The following STX2 variants were observed in gnomAD, a reference collection of about 807,000 sequenced individuals.
STX2 encodes the protein syntaxin-2.
Under a neutral mutation model 40.6 loss-of-function variants are expected in STX2, and 27 were observed. That is an observed-to-expected ratio of 0.66 (90% CI 0.49 to 0.92). STX2 has a LOEUF of 0.92. STX2 is among the 40% of genes least tolerant of loss of function. The pLI, the probability that STX2 is intolerant of heterozygous loss-of-function variation, is 0.00. For missense variants in STX2, 328 were observed against 366.1 expected (o/e 0.90, Z 0.85); for synonymous variants, 123 against 119.1 (o/e 1.03, Z -0.22).
chr12:130,828,649 G>A (rs1301949254), intron 1 of STX2, among the ~76,000 whole-genome samples: 2 of 151,208 alleles, frequency 1.3e-5, no homozygotes, highest in African/African-American at 2.4e-5. Flanking sequence ...GGTGGATCAC[G>A]AGATCAGGAG....
chr12:130,805,575 C>G (rs991198191), intron 6 of STX2, among the ~76,000 whole-genome samples: 1 of 152,178 alleles, frequency 6.6e-6, no homozygotes, highest in African/African-American at 2.4e-5. Flanking sequence ...AACACGCTGC[C>G]AGGCAGACGA....
chr12:130,838,710 A>T (rs1952821827), intron 1 of STX2, among the ~76,000 whole-genome samples: 2 of 152,100 alleles, frequency 1.3e-5, no homozygotes, highest in African/African-American at 4.8e-5. Context: ...TAAGCGCCAG[A>T]TACAATCCGC....
At chr12:130,800,788 T>C (rs1951195522) in intron 8 of STX2, among the ~76,000 whole-genome samples, 1 of 152,260 alleles carries the variant, frequency 6.6e-6, no homozygotes, top group Non-Finnish European at 1.5e-5. Context: ...TATGTACTCA[T>C]ACATATGTAC....
chr12:130,818,217 T>C (rs1345005054), intron 3 of STX2, among the ~76,000 whole-genome samples: 1 of 122,704 alleles, frequency 8.1e-6, no homozygotes, highest in South Asian at 2.5e-4. Context: ...TATATATATA[T>C]AAAATTATCT....
At chr12:130,818,182 AAAAATATATATATATAT>A (rs1267048961) in intron 3 of STX2, among the ~76,000 whole-genome samples, 2 of 37,364 alleles carry the variant, frequency 5.4e-5, no homozygotes, top group African/African-American at 7.6e-5. Flanking sequence ...AAAAAAAAAA[AAAAATATATATATATAT>A]ATATATATAT....
At chr12:130,818,769 A>T (rs937767739) in intron 3 of STX2, among the ~76,000 whole-genome samples, 7 of 152,220 alleles carry the variant, frequency 4.6e-5, no homozygotes, top group African/African-American at 1.7e-4. Flanking sequence ...GAGCGTGCGC[A>T]GCCGCAAGGA....
chr12:130,802,111 C>T (rs185000494), intron 6 of STX2, among the ~76,000 whole-genome samples: 5 of 152,322 alleles, frequency 3.3e-5, no homozygotes, highest in East Asian at 1.9e-4. Context: ...CGCAAACGTC[C>T]GTCCCCCGAT....
At chr12:130,802,581 T>C (rs1456737282) in intron 6 of STX2, among the ~76,000 whole-genome samples, 2 of 152,224 alleles carry the variant, frequency 1.3e-5, no homozygotes, top group Non-Finnish European at 2.9e-5. Flanking sequence ...CACTGCCGCT[T>C]TGACCTCCTA....
At chr12:130,825,706 T>C (rs1017848343) in intron 2 of STX2, among the ~76,000 whole-genome samples, 9 of 152,208 alleles carry the variant, frequency 5.9e-5, no homozygotes, top group Non-Finnish European at 1.0e-4. Context: ...TCTGAAAAAC[T>C]AGTAACTTTC....
intron 2 of STX2, among the ~76,000 whole-genome samples, chr12:130,822,397 C>A (rs1298972656): frequency 2.0e-5 from 3 of 151,478 alleles, no homozygotes; most frequent in Admixed American, 6.6e-5. Context: ...GCGTGGGCAA[C>A]AGAGCAAGAC....
chr12:130,808,371 C>CT (rs1386179730), intron 5 of STX2, among the ~76,000 whole-genome samples: 3 of 152,068 alleles, frequency 2.0e-5, no homozygotes, highest in Non-Finnish European at 2.9e-5. Flanking sequence ...TACTGAAGTC[C>CT]TCAAAACCCT....
chr12:130,799,087 C>G (rs1002865848), intron 8 of STX2, among the ~76,000 whole-genome samples: 5 of 152,228 alleles, frequency 3.3e-5, no homozygotes, highest in Non-Finnish European at 5.9e-5. Flanking sequence ...TAGCTCACAT[C>G]TGACACTCAG....
Position 130,790,095 on chromosome 12 carries a change from G to A in STX2, c.*1928C>T, listed in dbSNP as rs1950839550. 6.6e-6 allele frequency: 1 copy of A among 152,140 alleles called. No homozygotes were observed. Among genetic ancestry groups the A allele is most frequent in the African/African-American group, 2.4e-5 (1 of 41,424 alleles). The allele number at this position is 152,140 out of a possible 1,614,324, so 9.4% of individuals were successfully genotyped here. On this transcript the variant is annotated 3_prime_UTR_variant, in exon 11 of 11. Transcript: ENST00000392373. ...ATCCTGAAATATTGAAAACCCTCAA[G>A]ACAAGTGATACCTTCAACATAGCCA...
intron 3 of STX2, among the ~76,000 whole-genome samples, chr12:130,820,047 C>T (rs1259606522): frequency 4.6e-5 from 7 of 152,270 alleles, no homozygotes; most frequent in South Asian, 4.1e-4. Flanking sequence ...TTTCAACGTA[C>T]GGCTACACTA....
At position 130,801,417 on chromosome 12, in the gene STX2, C is replaced by T. The variant is rs752457932; in HGVS notation, c.535G>A (p.Asp179Asn). ...CACAGGGCCGCACCCCCACTCACGT[C>T]GGAAGTGAAGATGGATGGCTTCCCG... ...ESGKPSIFTS[D>N]IISDSQITRQ... The change falls in exon 7 of 11, where the codon GAC becomes AAC. Residue 179 changes from aspartate to asparagine, a missense_variant and splice_region_variant. Asp to Asn is a conservative substitution (Grantham distance 23, BLOSUM62 1). Transcript: ENST00000392373. 1.2e-5 allele frequency: 20 copies of T among 1,609,196 alleles called. No homozygotes were observed. Among genetic ancestry groups the T allele is most frequent in the East Asian group, 2.2e-5 (1 of 44,790 alleles).
At chr12:130,811,178 C>A (rs574131644) in intron 4 of STX2, among the ~76,000 whole-genome samples, 1 of 151,812 alleles carries the variant, frequency 6.6e-6, no homozygotes, top group Non-Finnish European at 1.5e-5. Context: ...GCCAACATGG[C>A]GAAACCCCAT....
intron 1 of STX2, among the ~76,000 whole-genome samples, chr12:130,834,925 G>T (rs541825637): frequency 6.6e-6 from 1 of 152,156 alleles, no homozygotes; most frequent in African/African-American, 2.4e-5. Context: ...TCTGCACTAC[G>T]TGGACAAACA....
chr12:130,828,649 G>C (rs1301949254), intron 1 of STX2, among the ~76,000 whole-genome samples: 1 of 151,208 alleles, frequency 6.6e-6, no homozygotes, highest in Non-Finnish European at 1.5e-5. Flanking sequence ...GGTGGATCAC[G>C]AGATCAGGAG....
chr12:130,832,755 C>T (rs545697990), intron 1 of STX2, among the ~76,000 whole-genome samples: 49 of 152,338 alleles, frequency 3.2e-4, no homozygotes, highest in Admixed American at 1.0e-3. Flanking sequence ...AGCTCACTCA[C>T]GTCTCACCTC....
Sources: allele counts gnomAD v4.1 joint callset (sites outside exome capture counted in the v4.1 genomes callset), GRCh38; gene constraint gnomAD v4.1.1; transcripts MANE v1.5; gene names NCBI Gene and HGNC (gene_info 2026-07-23, HGNC 2026-07-21).